The following PCMT1 variants were observed in gnomAD, a reference collection of about 807,000 sequenced individuals.
PCMT1 encodes protein-L-isoaspartate(D-aspartate) O-methyltransferase.
In PCMT1, 9 loss-of-function variants were observed where a neutral mutation model predicts 29.2. The observed-to-expected ratio is 0.31, with a 90% CI of 0.19 to 0.54. The LOEUF is 0.54. PCMT1 is among the 20% of genes least tolerant of loss of function. The pLI is 0.95. For missense variants in PCMT1, 184 were observed against 282.2 expected, an observed-to-expected ratio of 0.65 and a Z score of 2.49; for synonymous variants, 98 against 97.5, an observed-to-expected ratio of 1.00 and a Z score of -0.03.
chr6:149,760,766 C>T (rs894507642), intron 1 of PCMT1, among the ~76,000 whole-genome samples: 2 of 152,114 alleles, frequency 1.3e-5, no homozygotes, highest in Non-Finnish European at 1.5e-5. Context: ...GCAGGACAAT[C>T]GCTTGAACCA....
At chr6:149,786,523 C>T (rs1213597758) in intron 3 of PCMT1, among the ~76,000 whole-genome samples, 1 of 108,424 alleles carries the variant, frequency 9.2e-6, no homozygotes, top group African/African-American at 5.0e-5. Flanking sequence ...TCAGACGGGG[C>T]GGCTGCCGGG....
chr6:149,787,391 G>T (rs1176135632), intron 3 of PCMT1, among the ~76,000 whole-genome samples: 1 of 150,972 alleles, frequency 6.6e-6, no homozygotes, highest in African/African-American at 2.4e-5. Context: ...TTTTGAGACG[G>T]AATCTCGCTC....
chr6:149,802,211 G>T lies in PCMT1; in HGVS notation c.516G>T (p.Gln172His). 6.2e-7 allele frequency: 1 copy of T among 1,604,552 alleles called. No homozygotes were observed. Among genetic ancestry groups the T allele is most frequent in the Non-Finnish European group, 8.5e-7 (1 of 1,174,822 alleles). ...APVVPQALID[Q>H]LKPGGRLILP... The stretch of plus-strand genomic sequence containing the variant: ...TTTTTTTCTTTTAGCTAATAGATCA[G>T]TTAAAGCCCGGAGGAAGATTGATAT... Residue 172 changes from glutamine (Q) to histidine (H), a missense_variant, in exon 7 of 8, where the codon CAG becomes CAT. Gln to His is a conservative substitution (Grantham distance 24). Transcript: ENST00000464889.
chr6:149,758,043 C>T (rs1007482996), intron 1 of PCMT1, among the ~76,000 whole-genome samples: 1 of 151,648 alleles, frequency 6.6e-6, no homozygotes, highest in Non-Finnish European at 1.5e-5. Context: ...GCCACCATAC[C>T]CAGCTAATTT....
chr6:149,773,470 C>G (rs1008868978), intron 3 of PCMT1, among the ~76,000 whole-genome samples: 19 of 152,308 alleles, frequency 1.2e-4, no homozygotes, highest in Admixed American at 7.9e-4. Context: ...CCTCCCACTT[C>G]CGGGTTCATG....
At chr6:149,772,290 A>G (rs549231308) in intron 2 of PCMT1, 19 of 337,584 alleles carry the variant, frequency 5.6e-5, no homozygotes, top group African/African-American at 3.5e-4. Flanking sequence ...AAAAGAAACT[A>G]AAAGTTAAGA....
At chr6:149,796,720 C>T in intron 6 of PCMT1, 1 of 423,602 alleles carries the variant, frequency 2.4e-6, no homozygotes, top group Non-Finnish European at 4.2e-6. Context: ...CATATTTGAT[C>T]CAGGTAAGAA....
Position 149,810,827 on chromosome 6 carries a change from G to T in PCMT1, c.*249G>T. The T allele has an allele frequency of 2.2e-6, 1 of 454,634 alleles. No individual in the cohort carries two copies. The highest frequency in any genetic ancestry group is 4.7e-5 in the South Asian group (1 of 21,424). 28.2% of individuals were successfully genotyped at this position (454,634 alleles called of 1,614,324 possible). On this transcript the variant is annotated 3_prime_UTR_variant, in exon 8 of 8. Coordinates refer to ENST00000464889, the MANE Select transcript of PCMT1 (RefSeq NM_001360452.2). Reference sequence around the variant, plus strand: ...CAAATTGGTAGAGGAAGGATGCAAAGTATAAATTTGTGTAATATTACTTTA... The same window carrying T: ...CAAATTGGTAGAGGAAGGATGCAAATTATAAATTTGTGTAATATTACTTTA...
At chr6:149,754,256 T>C (rs1181195561) in intron 1 of PCMT1, among the ~76,000 whole-genome samples, 1 of 152,142 alleles carries the variant, frequency 6.6e-6, no homozygotes, top group African/African-American at 2.4e-5. Context: ...ATGTATCCAG[T>C]AGTTACCATA....
At chr6:149,765,105 A>G (rs1226623653) in intron 1 of PCMT1, among the ~76,000 whole-genome samples, 2 of 151,244 alleles carry the variant, frequency 1.3e-5, no homozygotes, top group Non-Finnish European at 2.9e-5. Flanking sequence ...CACGCCTGTA[A>G]TCCTAGCACT....
rs188870804 is a variant in PCMT1, at chr6:149,768,134, C to G, written c.56-3028C>G. On this transcript the variant is annotated intron_variant, in intron 1 of 7. Transcript: ENST00000464889. ...TGAGACAGGGCCTTACTCTGTTGCCCAGGCTGGAGTACAGTGGCATGATCA... is the reference window on the plus strand; with the variant it reads ...TGAGACAGGGCCTTACTCTGTTGCCGAGGCTGGAGTACAGTGGCATGATCA... Among the ~76,000 whole-genome samples, 904 of 152,140 alleles carry G rather than the reference C, an allele frequency of 5.9e-3. 7 individuals are homozygous for G. Among genetic ancestry groups the G allele is most frequent in the African/African-American group, 0.021 (860 of 41,504 alleles).
chr6:149,790,116 T>A, intron 4 of PCMT1, 58 bp downstream of exon 4: 1 of 1,010,340 alleles, frequency 9.9e-7, no homozygotes, highest in Non-Finnish European at 1.5e-6. Flanking sequence ...GATTTGGCTG[T>A]ATGTTTTTTT....
In PCMT1 at chr6:149,798,391, C is replaced by T. The variant is rs1405005995; in HGVS notation, c.504+1891C>T. 2.6e-5 allele frequency among the ~76,000 whole-genome samples: 4 copies of T among 152,038 alleles called. No homozygotes were observed. In the East Asian group the frequency reaches 7.7e-4, roughly 29 times the overall value. ...AAATGAGGCGGGTGGGTGCAGGGCC[C>T]ATTTCTCCCTACTGGGACCCTGAAG... On this transcript the variant is annotated intron_variant, in intron 6 of 7. Coordinates refer to ENST00000464889, the MANE Select transcript of PCMT1 (RefSeq NM_001360452.2).
intron 3 of PCMT1, among the ~76,000 whole-genome samples, chr6:149,775,633 A>C (rs1260564758): frequency 6.6e-6 from 1 of 152,142 alleles, no homozygotes; most frequent in Non-Finnish European, 1.5e-5. Flanking sequence ...GTCTGAGTCC[A>C]GGAATTTGAG....
intron 7 of PCMT1, among the ~76,000 whole-genome samples, chr6:149,804,770 A>G (rs929455489): frequency 6.6e-5 from 10 of 151,964 alleles, no homozygotes; most frequent in African/African-American, 2.4e-4. Flanking sequence ...CCAAAGTGCT[A>G]GGATTACAGG....
At chr6:149,767,255 A>AC (rs1372651028) in intron 1 of PCMT1, among the ~76,000 whole-genome samples, 2 of 107,574 alleles carry the variant, frequency 1.9e-5, no homozygotes, top group Non-Finnish European at 3.3e-5. Flanking sequence ...TCAGTAATTC[A>AC]CTCTTTTTTT....
chr6:149,792,584 C>T (rs1331757745), intron 4 of PCMT1, among the ~76,000 whole-genome samples: 2 of 152,088 alleles, frequency 1.3e-5, no homozygotes, highest in East Asian at 1.9e-4. Flanking sequence ...ACGATCTCAA[C>T]TCACTGCAGC....
chr6:149,751,078 A>T (rs1359697628), intron 1 of PCMT1, among the ~76,000 whole-genome samples: 2 of 152,130 alleles, frequency 1.3e-5, no homozygotes, highest in African/African-American at 4.8e-5. Context: ...GCACTTTGGG[A>T]GGCCGAGGCG....
intron 5 of PCMT1, chr6:149,794,616 CA>C: frequency 1.5e-5 from 4 of 259,560 alleles, no homozygotes; most frequent in South Asian, 1.1e-4. Flanking sequence ...GAGTCCGTCT[CA>C]AAAAAACAAA....
Sources: gnomAD v4.1 joint callset for allele counts (sites outside exome capture counted in the v4.1 genomes callset) on GRCh38, gnomAD v4.1.1 for gene constraint, MANE v1.5 for transcripts, NCBI Gene and HGNC (gene_info 2026-07-23, HGNC 2026-07-21) for gene names.